Variants in GPHN observed in about 807,000 individuals in gnomAD.
The protein encoded by GPHN is gephyrin.
In GPHN, 17 loss-of-function variants were observed where a neutral mutation model predicts 95.5. The observed-to-expected ratio is 0.18, with a 90% CI of 0.12 to 0.27. GPHN has a LOEUF of 0.27. GPHN is among the 10% of genes least tolerant of loss of function. The pLI is 1.00. For synonymous variants in GPHN, 320 were observed against 322.5 expected (o/e 0.99, Z 0.08); for missense variants, 660 against 978.1 (o/e 0.67, Z 4.34).
the GPHN span, among the ~76,000 whole-genome samples, chr14:67,633,019 A>G: frequency 5.3e-5 from 8 of 151,546 alleles, no homozygotes; most frequent in Admixed American, 5.3e-4. Context: ...ACAGTGTTTC[A>G]CCATGTTAGC....
chr14:67,623,069 T>C, the GPHN span, among the ~76,000 whole-genome samples: 3 of 152,234 alleles, frequency 2.0e-5, no homozygotes, highest in African/African-American at 7.2e-5. Context: ...TTGACTTTTT[T>C]TCTCAAATAT....
chr14:67,377,746 CTA>C, the GPHN span, among the ~76,000 whole-genome samples: 60 of 152,206 alleles, frequency 3.9e-4, 1 homozygote, highest in Middle Eastern at 3.4e-3. Flanking sequence ...TCCATTTATA[CTA>C]TAAAACCCAC....
At chr14:67,415,703 A>C in the GPHN span, among the ~76,000 whole-genome samples, 3 of 152,360 alleles carry the variant, frequency 2.0e-5, no homozygotes, top group East Asian at 3.9e-4. Context: ...CACTATTCAC[A>C]ATAGCAAAGA....
chr14:67,421,976 G>A, the GPHN span, among the ~76,000 whole-genome samples: 1 of 152,136 alleles, frequency 6.6e-6, no homozygotes, highest in Non-Finnish European at 1.5e-5. Context: ...CTGGTATCCG[G>A]TCAGTCATGA....
At chr14:66,979,080 G>T (rs912255794) in intron 9 of GPHN, among the ~76,000 whole-genome samples, 2 of 152,162 alleles carry the variant, frequency 1.3e-5, no homozygotes, top group African/African-American at 4.8e-5. Flanking sequence ...CTGTCATCTA[G>T]GCTTTCTTGT....
At chr14:66,961,940 A>ATATATATATATATATATATATATATATC (rs2068963577) in intron 8 of GPHN, among the ~76,000 whole-genome samples, 1 of 80,992 alleles carries the variant, frequency 1.2e-5, no homozygotes, top group Non-Finnish European at 1.9e-5. Context: ...ATATATATAT[A>ATATATATATATATATATATATATATATC]TATATATACA....
chr14:67,227,120 T>A, the GPHN span, among the ~76,000 whole-genome samples: 1 of 152,164 alleles, frequency 6.6e-6, no homozygotes, highest in Admixed American at 6.5e-5. Flanking sequence ...AATTATACCA[T>A]ACTTAAATTT....
At chr14:67,480,932 G>A in the GPHN span, among the ~76,000 whole-genome samples, 1 of 152,176 alleles carries the variant, frequency 6.6e-6, no homozygotes, top group East Asian at 1.9e-4. Flanking sequence ...AAAACCCTTG[G>A]AGCAGAAGCA....
the GPHN span, chr14:67,690,726 G>A: frequency 1.7e-5 from 7 of 405,484 alleles, no homozygotes; most frequent in South Asian, 2.5e-5. Flanking sequence ...GCTCACGCCG[G>A]TAATCTCAGC....
At chr14:67,575,283 A>G in the GPHN span, 10 of 663,518 alleles carry the variant, frequency 1.5e-5, no homozygotes, top group African/African-American at 3.6e-5. Context: ...TGGCATCTCC[A>G]TCTCTACCAT....
intron 5 of GPHN, among the ~76,000 whole-genome samples, chr14:66,882,285 A>T (rs2063966735): frequency 6.6e-6 from 1 of 151,840 alleles, no homozygotes; most frequent in Admixed American, 6.6e-5. Flanking sequence ...ATATTGTTGC[A>T]GTTACTATGG....
the GPHN span, among the ~76,000 whole-genome samples, chr14:67,231,963 T>C: frequency 1.4e-5 from 2 of 143,192 alleles, no homozygotes; most frequent in African/African-American, 5.6e-5. Flanking sequence ...GGTGAGACTG[T>C]GTCTTTAAAA....
At chr14:66,965,352 A>G (rs2069247711) in intron 9 of GPHN, 27 bp downstream of exon 9, 2 of 1,604,634 alleles carry the variant, frequency 1.2e-6, no homozygotes, top group South Asian at 2.2e-5. Context: ...CGCATCTTAC[A>G]CCTGCTCTTC....
At chr14:67,179,430 AAG>A (rs2083203046) in intron 21 of GPHN, 146 bp from the exon 22 acceptor site, 1 of 631,908 alleles carries the variant, frequency 1.6e-6, no homozygotes, top group Non-Finnish European at 2.8e-6. Flanking sequence ...TAAAAAGAAA[AAG>A]AACATAAGGT....
At chr14:67,595,246 T>C in the GPHN span, among the ~76,000 whole-genome samples, 1 of 152,202 alleles carries the variant, frequency 6.6e-6, no homozygotes, top group Non-Finnish European at 1.5e-5. Context: ...AAATCTCATA[T>C]AATTTATTCA....
intron 2 of GPHN, among the ~76,000 whole-genome samples, chr14:66,712,250 C>T (rs527992196): frequency 6.6e-6 from 1 of 152,298 alleles, no homozygotes; most frequent in Non-Finnish European, 1.5e-5. Flanking sequence ...TCTCCAGCAC[C>T]TGTTGTTTCC....
intron 2 of GPHN, among the ~76,000 whole-genome samples, chr14:66,753,410 C>G (rs1033477570): frequency 1.3e-5 from 2 of 151,874 alleles, no homozygotes; most frequent in Admixed American, 6.6e-5. Context: ...ATTTTTTAAG[C>G]AGTGCACAGA....
At chr14:67,656,586 G>A in the GPHN span, 7 of 1,598,048 alleles carry the variant, frequency 4.4e-6, no homozygotes, top group Middle Eastern at 1.7e-4. Flanking sequence ...GACTGTAGCC[G>A]ATTCTGAAAG....
intron 2 of GPHN, among the ~76,000 whole-genome samples, chr14:66,714,278 T>A (rs556941596): frequency 3.3e-5 from 5 of 152,288 alleles, no homozygotes; most frequent in Non-Finnish European, 7.4e-5. Flanking sequence ...GAGTTGAGTT[T>A]TTTATTTGAT....
Sources: gnomAD v4.1 joint callset for allele counts (sites outside exome capture counted in the v4.1 genomes callset) on GRCh38, gnomAD v4.1.1 for gene constraint, MANE v1.5 for transcripts, NCBI Gene and HGNC (gene_info 2026-07-23, HGNC 2026-07-21) for gene names.